The following PYROXD2 variants were observed in gnomAD, a reference collection of about 807,000 sequenced individuals.
PYROXD2 encodes pyridine nucleotide-disulfide oxidoreductase domain-containing protein 2.
Under a neutral mutation model 71.1 loss-of-function variants are expected in PYROXD2, and 69 were observed. The observed-to-expected ratio is 0.97, with a 90% CI of 0.80 to 1.19. The LOEUF (loss-of-function observed/expected upper bound fraction) is 1.19. Among genes scored for constraint, PYROXD2 ranks in the 50% most tolerant of loss-of-function variants. The pLI is 0.00. For synonymous variants in PYROXD2, 287 were observed against 302.7 expected (o/e 0.95, Z 0.54); for missense variants, 745 against 748.9 (o/e 0.99, Z 0.06).
chr10:98,409,739 C>G (rs1366331946), intron 2 of PYROXD2, among the ~76,000 whole-genome samples: 1 of 152,186 alleles, frequency 6.6e-6, no homozygotes, highest in Admixed American at 6.5e-5. Flanking sequence ...GACACCTTAA[C>G]CTTCACAAAG....
intron 6 of PYROXD2, 34 bp from the exon 7 acceptor site, chr10:98,395,486 AC>A: frequency 1.3e-6 from 2 of 1,596,178 alleles, no homozygotes; most frequent in Non-Finnish European, 1.7e-6. Context: ...AGAAGTTGAA[AC>A]AGGTGACAGG....
intron 1 of PYROXD2, among the ~76,000 whole-genome samples, chr10:98,413,796 T>C (rs1843870352): frequency 6.6e-6 from 1 of 152,168 alleles, no homozygotes; most frequent in African/African-American, 2.4e-5. Context: ...TGTTGTTTCA[T>C]TTGTTTCACG....
rs372376953 is a variant in PYROXD2, at chr10:98,395,206, G to A, written c.775C>T (p.Pro259Ser). The A allele has an allele frequency of 2.5e-6, 4 of 1,613,724 alleles. No homozygotes were observed. The African/African-American group carries it at 5.3e-5, about 22-fold the overall frequency. Reference protein sequence around the residue: ...VIGAMTSPHTPGSGYVLLHHV... With the variant: ...VIGAMTSPHTSGSGYVLLHHV... ...ACCCCCCTCACTCACCCACTCCCCG[G>A]AGTGTGGGGACTTGTCATGGCTCCA... Residue 259 changes from proline (P) to serine (S), a missense_variant, in exon 8 of 16, where the codon CCG becomes TCG. Transcript: ENST00000370575.
chr10:98,407,876 C>T (rs1843661787), intron 3 of PYROXD2, 28 bp downstream of exon 3: 1 of 1,577,194 alleles, frequency 6.3e-7, no homozygotes, highest in Non-Finnish European at 8.6e-7. Flanking sequence ...CACTGCCCTC[C>T]ACTCCCCCAT....
chr10:98,388,243 G>A (rs549455058), intron 13 of PYROXD2, 111 bp downstream of exon 13: 108 of 1,089,548 alleles, frequency 9.9e-5, no homozygotes, highest in Non-Finnish European at 1.4e-4. Context: ...TCCTCCCTTT[G>A]GAATGGCACC....
intron 4 of PYROXD2, among the ~76,000 whole-genome samples, chr10:98,406,488 CTG>C (rs1381848076): frequency 3.3e-5 from 5 of 152,186 alleles, no homozygotes; most frequent in Non-Finnish European, 7.3e-5. Context: ...TGCACATACT[CTG>C]TTTCAGTGGC....
rs200958885 is a variant in PYROXD2, at chr10:98,407,558, A to T, written c.315+24T>A. ...TGGAACTGCCTCCTCCCTCCGTGCAATCGGGCCGGCGGGGGGGCCCTACCT... is the reference window on the plus strand; with the variant it reads ...TGGAACTGCCTCCTCCCTCCGTGCATTCGGGCCGGCGGGGGGGCCCTACCT... On this transcript the variant is annotated intron_variant, in intron 4 of 15. Transcript: ENST00000370575. 5.4e-4 allele frequency: 863 copies of T among 1,612,466 alleles called. 4 individuals are homozygous for T. In the African/African-American group the frequency reaches 8.6e-3, roughly 16 times the overall value.
chr10:98,385,916 G>A (rs1170390795), intron 14 of PYROXD2, among the ~76,000 whole-genome samples: 1 of 152,170 alleles, frequency 6.6e-6, no homozygotes, highest in African/African-American at 2.4e-5. Flanking sequence ...CTGGACCAGT[G>A]CTGTTCAGTG....
At chr10:98,394,273 CGAAGA>C (rs990550899) in intron 8 of PYROXD2, among the ~76,000 whole-genome samples, 1 of 152,074 alleles carries the variant, frequency 6.6e-6, no homozygotes, top group African/African-American at 2.4e-5. Context: ...CCCAGGGATC[CGAAGA>C]GAAAAGGGCA....
chr10:98,389,948 G>A (rs1037206871), intron 12 of PYROXD2, among the ~76,000 whole-genome samples: 3 of 152,148 alleles, frequency 2.0e-5, no homozygotes, highest in Non-Finnish European at 2.9e-5. Context: ...CTTTCCAGGC[G>A]CACATCTTCT....
chr10:98,413,673 C>A (rs561968489), intron 1 of PYROXD2, among the ~76,000 whole-genome samples: 2 of 151,996 alleles, frequency 1.3e-5, no homozygotes, highest in Non-Finnish European at 2.9e-5. Context: ...GAGATTGCGC[C>A]GCTGCACTCC....
chr10:98,394,543 A>AAC (rs58461142), intron 8 of PYROXD2, among the ~76,000 whole-genome samples: 6,907 of 141,846 alleles, frequency 0.049, 246 homozygotes, highest in African/African-American at 0.1. Flanking sequence ...TCTCCATCCC[A>AAC]ACACACACAC....
chr10:98,408,065 G>A, intron 2 of PYROXD2, 68 bp from the exon 3 acceptor site: 1 of 1,465,792 alleles, frequency 6.8e-7, no homozygotes, highest in Non-Finnish European at 9.3e-7. Context: ...CCCTCGGGCT[G>A]ACCCGCAGAC....
At chr10:98,388,582 G>GCCTCCACTGTGTCCCA in intron 12 of PYROXD2, 74 bp from the exon 13 acceptor site, 1 of 1,411,442 alleles carries the variant, frequency 7.1e-7, no homozygotes, top group Non-Finnish European at 9.3e-7. Flanking sequence ...GATGACTTGG[G>GCCTCCACTGTGTCCCA]ACACAGTGGA....
chr10:98,413,115 A>G (rs1843843535), intron 1 of PYROXD2, among the ~76,000 whole-genome samples: 1 of 152,250 alleles, frequency 6.6e-6, no homozygotes, highest in African/African-American at 2.4e-5. Flanking sequence ...ACATATCTGC[A>G]TGGTGGACAC....
rs532222817 is a variant in PYROXD2, at chr10:98,390,878, C to G, written c.1136-124G>C. 17 of 1,396,726 alleles carry G rather than the reference C, an allele frequency of 1.2e-5. No individual in the cohort carries two copies. In the East Asian group the frequency reaches 1.6e-4, roughly 13 times the overall value. The allele number at this position is 1,396,726 out of a possible 1,614,324, so 86.5% of individuals were successfully genotyped here. A position where few individuals can be genotyped will look rare whatever the true frequency, so the allele number is the denominator to read the frequency against. ...TATGAGCAAGTGTTTCACCTTCTGA[C>G]CAGGCTGCAGGGGGACACAGGCTGG... On this transcript the variant is annotated intron_variant, in intron 11 of 15. Transcript: ENST00000370575.
chr10:98,407,692 C>T (rs759470095), intron 3 of PYROXD2, 37 bp from the exon 4 acceptor site: 1 of 1,592,424 alleles, frequency 6.3e-7, no homozygotes, highest in Admixed American at 1.7e-5. Flanking sequence ...CACCAGGGGT[C>T]ACCAGGGATG....
chr10:98,411,066 T>C, intron 1 of PYROXD2, 108 bp from the exon 2 acceptor site: 2 of 1,501,100 alleles, frequency 1.3e-6, no homozygotes, highest in South Asian at 2.5e-5. Context: ...GCCATGAAGA[T>C]CCTTGGTGAC....
chr10:98,404,103 A>C (rs1353927645), intron 4 of PYROXD2, among the ~76,000 whole-genome samples: 1 of 152,216 alleles, frequency 6.6e-6, no homozygotes, highest in Non-Finnish European at 1.5e-5. Context: ...TTTAAGCTCA[A>C]CCTAAAGGTT....
Sources: allele counts gnomAD v4.1 joint callset (sites outside exome capture counted in the v4.1 genomes callset), GRCh38; gene constraint gnomAD v4.1.1; transcripts MANE v1.5; gene names NCBI Gene and HGNC (gene_info 2026-07-23, HGNC 2026-07-21).